PARPBP: variants seen among roughly 807,000 people sequenced by gnomAD.
The protein encoded by PARPBP is PCNA-interacting partner.
In PARPBP, 52 loss-of-function variants were observed where a neutral mutation model predicts 50.0. That is an observed-to-expected ratio of 1.04 (90% CI 0.83 to 1.31). The LOEUF is 1.31. Among genes scored for constraint, PARPBP ranks in the 50% most tolerant of loss-of-function variants. The pLI is 0.00. For missense variants in PARPBP, 697 were observed against 672.0 expected (o/e 1.04, Z -0.41); for synonymous variants, 244 against 232.1 (o/e 1.05, Z -0.47).
intron 7 of PARPBP, among the ~76,000 whole-genome samples, chr12:102,177,244 T>C (rs936514448): frequency 1.3e-5 from 2 of 152,196 alleles, no homozygotes; most frequent in Non-Finnish European, 2.9e-5. Flanking sequence ...CAAGATGATA[T>C]TGATGAAAGC....
intron 2 of PARPBP, among the ~76,000 whole-genome samples, chr12:102,144,620 TTAAC>T (rs1290583275): frequency 3.9e-5 from 6 of 152,212 alleles, no homozygotes; most frequent in Non-Finnish European, 8.8e-5. Context: ...TAGTTTTACT[TTAAC>T]TAGTTATAGT....
At chr12:102,149,024 G>A (rs1040116824) in intron 3 of PARPBP, 1 of 151,844 alleles carries the variant, frequency 6.6e-6, no homozygotes, top group Admixed American at 6.6e-5. Context: ...TTTTGTCTAC[G>A]TTAGAATTTA....
intron 2 of PARPBP, among the ~76,000 whole-genome samples, chr12:102,128,047 C>T (rs1253767407): frequency 6.6e-6 from 1 of 152,080 alleles, no homozygotes; most frequent in South Asian, 2.1e-4. Context: ...AAAATGTATT[C>T]TCTGAACAGT....
chr12:102,127,625 A>G (rs771738904), intron 2 of PARPBP, among the ~76,000 whole-genome samples: 3 of 152,224 alleles, frequency 2.0e-5, no homozygotes, highest in Non-Finnish European at 2.9e-5. Flanking sequence ...AATGAAATAA[A>G]CTAGAAATAT....
intron 2 of PARPBP, among the ~76,000 whole-genome samples, chr12:102,139,931 G>A (rs1025261923): frequency 1.3e-5 from 2 of 152,150 alleles, no homozygotes; most frequent in East Asian, 3.8e-4. Flanking sequence ...CAGGGATATT[G>A]GTCTAAAATT....
chr12:102,189,505 G>A (rs544220879), intron 9 of PARPBP, among the ~76,000 whole-genome samples: 4 of 152,136 alleles, frequency 2.6e-5, no homozygotes, highest in Admixed American at 6.6e-5. Flanking sequence ...TTAATTATCC[G>A]CACATGGCTA....
rs374160614 is a variant in PARPBP at position 102,148,346 on chromosome 12, C to T, written c.270C>T (p.Asp90=). The T allele has an allele frequency of 8.8e-5, 140 of 1,586,034 alleles. No individual in the cohort carries two copies. Among genetic ancestry groups the T allele is most frequent in the Admixed American group, 2.5e-4 (15 of 59,876 alleles). ...TGGACGTGACTGACCATTATGAGGA[C>T]GTTAGGAAGATTTATGATGATTTCT... ...ENMDVTDHYE[D]VRKIYDDFLK... The change falls in exon 3 of 11, where the codon GAC becomes GAT. Residue 90 remains aspartate, a synonymous_variant. Coordinates refer to ENST00000327680, the MANE Select transcript of PARPBP (RefSeq NM_017915.5).
chr12:102,121,169 C>CA (rs1457487633), intron 1 of PARPBP, among the ~76,000 whole-genome samples: 2 of 152,200 alleles, frequency 1.3e-5, no homozygotes, highest in African/African-American at 4.8e-5. Flanking sequence ...TAGGCTCCCA[C>CA]AGCCAGCTAG....
intron 9 of PARPBP, among the ~76,000 whole-genome samples, chr12:102,193,988 A>G (rs903223717): frequency 6.6e-6 from 1 of 152,066 alleles, no homozygotes; most frequent in African/African-American, 2.4e-5. Flanking sequence ...AAGCACATGA[A>G]ACATAATTTT....
chr12:102,171,420 G>A (rs1888717225), intron 6 of PARPBP, among the ~76,000 whole-genome samples: 1 of 151,942 alleles, frequency 6.6e-6, no homozygotes, highest in African/African-American at 2.4e-5. Flanking sequence ...ATAATATTAT[G>A]GGACTACCAT....
At chr12:102,162,223 T>A (rs915888275) in intron 4 of PARPBP, among the ~76,000 whole-genome samples, 5 of 151,136 alleles carry the variant, frequency 3.3e-5, no homozygotes, top group Non-Finnish European at 5.9e-5. Flanking sequence ...AAATTTAACA[T>A]GTGATTAGAT....
chr12:102,182,733 A>C (rs1480535216), intron 9 of PARPBP, 106 bp downstream of exon 9: 1 of 757,750 alleles, frequency 1.3e-6, no homozygotes, highest in African/African-American at 1.8e-5. Context: ...AACATTGTAC[A>C]TGACACAGTA....
intron 3 of PARPBP, among the ~76,000 whole-genome samples, chr12:102,153,078 T>G (rs1008504290): frequency 6.6e-6 from 1 of 152,162 alleles, no homozygotes; most frequent in Non-Finnish European, 1.5e-5. Context: ...GCACCGTTAT[T>G]GTAGGTTGGC....
intron 4 of PARPBP, among the ~76,000 whole-genome samples, chr12:102,158,229 A>G (rs912163925): frequency 1.3e-5 from 2 of 152,070 alleles, no homozygotes; most frequent in African/African-American, 2.4e-5. Context: ...AATGAGATGA[A>G]GTACCCTTCT....
chr12:102,166,229 C>G (rs889298758), intron 6 of PARPBP, among the ~76,000 whole-genome samples: 2 of 152,076 alleles, frequency 1.3e-5, no homozygotes, highest in Non-Finnish European at 2.9e-5. Flanking sequence ...AAACTGATAT[C>G]AAGAATGAGT....
chr12:102,142,218 C>T (rs1054418703), intron 2 of PARPBP, among the ~76,000 whole-genome samples: 11 of 152,158 alleles, frequency 7.2e-5, no homozygotes, highest in African/African-American at 2.4e-4. Flanking sequence ...CTTGTCTTCT[C>T]GCTTCATTTC....
chr12:102,148,261 A>G lies in PARPBP; in HGVS notation c.185A>G (p.Asp62Gly). The G allele has an allele frequency of 1.3e-6, 2 of 1,590,266 alleles. No homozygotes were observed. Among genetic ancestry groups the G allele is most frequent in the Non-Finnish European group, 1.7e-6 (2 of 1,164,204 alleles). The change falls in exon 3 of 11, where the codon GAT becomes GGT. Residue 62 changes from aspartate to glycine, a missense_variant. Asp to Gly is a moderately conservative substitution (Grantham distance 94). Coordinates refer to ENST00000327680, the MANE Select transcript of PARPBP (RefSeq NM_017915.5). The stretch of plus-strand genomic sequence containing the variant: ...GGAGAATTTACAGTCTCTCTCAGTG[A>G]TGTTTTATTGACATGGAAATACTTG... Reference protein sequence around the residue: ...HSGEFTVSLSDVLLTWKYLLH... With the variant: ...HSGEFTVSLSGVLLTWKYLLH...
intron 4 of PARPBP, among the ~76,000 whole-genome samples, chr12:102,163,738 T>A (rs1887841253): frequency 6.6e-6 from 1 of 152,230 alleles, no homozygotes; most frequent in Admixed American, 6.5e-5. Flanking sequence ...ATCAAGCAAA[T>A]TTTGTTTTAC....
intron 2 of PARPBP, among the ~76,000 whole-genome samples, chr12:102,138,350 T>C (rs1883999847): frequency 1.3e-5 from 2 of 152,064 alleles, no homozygotes; most frequent in African/African-American, 4.8e-5. Flanking sequence ...TTTGATGGGG[T>C]TGTTTGATTT....
Sources: gnomAD v4.1 joint callset for allele counts (sites outside exome capture counted in the v4.1 genomes callset) on GRCh38, gnomAD v4.1.1 for gene constraint, MANE v1.5 for transcripts, NCBI Gene and HGNC (gene_info 2026-07-23, HGNC 2026-07-21) for gene names.